The following GRK5 variants were observed in gnomAD, a reference collection of about 807,000 sequenced individuals.
GRK5 encodes g protein-coupled receptor kinase GRK5.
Under a neutral mutation model 78.4 loss-of-function variants are expected in GRK5, and 40 were observed. That is an observed-to-expected ratio of 0.51 (90% CI 0.40 to 0.66). The LOEUF (loss-of-function observed/expected upper bound fraction) is 0.66, where lower values mean the gene tolerates loss of function less well. GRK5 is among the 30% of genes least tolerant of loss of function. The pLI, the probability that GRK5 is intolerant of heterozygous loss-of-function variation, is 0.00. For synonymous variants in GRK5, 289 were observed against 296.8 expected (o/e 0.97, Z 0.27); for missense variants, 598 against 759.9 (o/e 0.79, Z 2.50).
At chr10:119,434,296 T>C (rs1269941107) in intron 8 of GRK5, among the ~76,000 whole-genome samples, 1 of 152,108 alleles carries the variant, frequency 6.6e-6, no homozygotes, top group Non-Finnish European at 1.5e-5. Context: ...TCCCCCAAAA[T>C]CTTAACTCAT....
rs1853411886 is a variant in GRK5, at chr10:119,457,128, C to CTT, written c.*2062_*2063dup. 1.3e-5 allele frequency: 2 copies of CTT among 152,116 alleles called. No individual in the cohort carries two copies. 9.4% of individuals were successfully genotyped at this position (152,116 alleles called of 1,614,324 possible). A position where few individuals can be genotyped will look rare whatever the true frequency, so the allele number is the denominator to read the frequency against. On this transcript the variant is annotated 3_prime_UTR_variant, in exon 16 of 16. Transcript: ENST00000392870. ...ACTCTTTGAATGGTATCTTAAGATCCTTAAGCTCTTGCTGAACTTCCTTTT... is the reference window on the plus strand; with the variant it reads ...ACTCTTTGAATGGTATCTTAAGATCCTTTTAAGCTCTTGCTGAACTTCCTTTT...
At chr10:119,436,591 G>C (rs905745058) in intron 8 of GRK5, 60 bp from the exon 9 acceptor site, 2 of 1,522,072 alleles carry the variant, frequency 1.3e-6, no homozygotes, top group African/African-American at 2.7e-5. Flanking sequence ...CCTGAGGAGG[G>C]AAGTGGAAGT....
chr10:119,337,448 C>T (rs1319521474), intron 2 of GRK5, among the ~76,000 whole-genome samples: 1 of 152,114 alleles, frequency 6.6e-6, no homozygotes, highest in African/African-American at 2.4e-5. Context: ...AGGTTTGGTT[C>T]GTTCTGAAGG....
At chr10:119,400,293 G>T (rs1339423011) in intron 4 of GRK5, among the ~76,000 whole-genome samples, 1 of 152,230 alleles carries the variant, frequency 6.6e-6, no homozygotes, top group Admixed American at 6.5e-5. Flanking sequence ...GCTTCCAGGA[G>T]GTGATGCTGC....
chr10:119,322,182 G>C (rs765774864), intron 1 of GRK5, among the ~76,000 whole-genome samples: 1 of 152,088 alleles, frequency 6.6e-6, no homozygotes, highest in Non-Finnish European at 1.5e-5. Flanking sequence ...TAAACTCCTG[G>C]GCTCAAGCAA....
intron 1 of GRK5, among the ~76,000 whole-genome samples, chr10:119,304,237 C>T (rs945869241): frequency 8.7e-5 from 13 of 150,214 alleles, no homozygotes; most frequent in Admixed American, 8.6e-4. Context: ...CACCTGGAAC[C>T]TTGAGGGGAA....
At chr10:119,295,409 A>C (rs896407160) in intron 1 of GRK5, among the ~76,000 whole-genome samples, 1 of 152,098 alleles carries the variant, frequency 6.6e-6, no homozygotes, top group African/African-American at 2.4e-5. Flanking sequence ...AACCATGTGG[A>C]GGTCCATTAA....
chr10:119,354,215 T>G (rs1851228778), intron 2 of GRK5, among the ~76,000 whole-genome samples: 1 of 151,872 alleles, frequency 6.6e-6, no homozygotes. Flanking sequence ...ATGCATCACC[T>G]CTCATAGTTA....
intron 4 of GRK5, among the ~76,000 whole-genome samples, chr10:119,400,632 C>G (rs1852134575): frequency 6.6e-6 from 1 of 152,058 alleles, no homozygotes; most frequent in African/African-American, 2.4e-5. Context: ...GGGGAGGGGG[C>G]CCCTCTGAGC....
intron 1 of GRK5, among the ~76,000 whole-genome samples, chr10:119,259,030 C>G (rs1429869486): frequency 6.6e-6 from 1 of 151,876 alleles, no homozygotes; most frequent in African/African-American, 2.4e-5. Context: ...GCGGTTCCTT[C>G]CATCCTCTTT....
At chr10:119,415,214 T>C (rs748966152) in intron 4 of GRK5, among the ~76,000 whole-genome samples, 1 of 151,956 alleles carries the variant, frequency 6.6e-6, no homozygotes, top group African/African-American at 2.4e-5. Flanking sequence ...GAGGATCATC[T>C]TAGATGTGGT....
At chr10:119,211,914 G>A (rs763652343) in intron 1 of GRK5, among the ~76,000 whole-genome samples, 1 of 152,242 alleles carries the variant, frequency 6.6e-6, no homozygotes, top group Non-Finnish European at 1.5e-5. Context: ...CTAATTCATG[G>A]TGATAAAACC....
At chr10:119,304,186 A>C (rs939893877) in intron 1 of GRK5, among the ~76,000 whole-genome samples, 1 of 151,970 alleles carries the variant, frequency 6.6e-6, no homozygotes, top group African/African-American at 2.4e-5. Flanking sequence ...CTGAAGGACC[A>C]GAGCAGTGGG....
At chr10:119,209,291 C>G (rs1040003713) in intron 1 of GRK5, among the ~76,000 whole-genome samples, 1 of 152,148 alleles carries the variant, frequency 6.6e-6, no homozygotes, top group Non-Finnish European at 1.5e-5. Flanking sequence ...ACTTGTCACT[C>G]TAAAGCAGCC....
intron 3 of GRK5, among the ~76,000 whole-genome samples, chr10:119,394,838 G>A (rs1380231536): frequency 6.6e-6 from 1 of 151,336 alleles, no homozygotes; most frequent in Non-Finnish European, 1.5e-5. Context: ...TGTGTCTGTG[G>A]GCACGTGTGT....
At chr10:119,375,054 A>G (rs1319455705) in intron 2 of GRK5, among the ~76,000 whole-genome samples, 1 of 152,110 alleles carries the variant, frequency 6.6e-6, no homozygotes, top group Non-Finnish European at 1.5e-5. Context: ...CTCACTTAAC[A>G]CTACTTGCTG....
Position 119,452,527 on chromosome 10 carries a change from A to C in GRK5, c.1405-144A>C, listed in dbSNP as rs1589818780. 1 of 956,042 alleles carries C rather than the reference A, an allele frequency of 1.0e-6. No homozygotes were observed. Among genetic ancestry groups the C allele is most frequent in the Non-Finnish European group, 1.5e-6 (1 of 653,054 alleles). The allele number at this position is 956,042 out of a possible 1,614,324, so 59.2% of individuals were successfully genotyped here. A position where few individuals can be genotyped will look rare whatever the true frequency, so the allele number is the denominator to read the frequency against. ...CTGGACTCACCTGCATCTGAGCCACACACCCTCCAGCCACTACCCATAGCA... is the reference window on the plus strand; with the variant it reads ...CTGGACTCACCTGCATCTGAGCCACCCACCCTCCAGCCACTACCCATAGCA... On this transcript the variant is annotated intron_variant, in intron 13 of 15. Transcript: ENST00000392870. This position sits in a 1 kb window ranked among gnomAD's most constrained non-coding sequence, Gnocchi z 4.4.
At chr10:119,395,856 G>A (rs568915076) in intron 3 of GRK5, among the ~76,000 whole-genome samples, 7 of 152,268 alleles carry the variant, frequency 4.6e-5, no homozygotes, top group Admixed American at 2.6e-4. Context: ...CCCGCTGCAT[G>A]ACCCTATGCA....
chr10:119,447,266 C>T (rs1404080560), intron 12 of GRK5, among the ~76,000 whole-genome samples: 1 of 152,198 alleles, frequency 6.6e-6, no homozygotes, highest in Non-Finnish European at 1.5e-5. Context: ...GATGAAGACA[C>T]TCTCCTACCT....
Sources: allele counts gnomAD v4.1 joint callset (sites outside exome capture counted in the v4.1 genomes callset), GRCh38; gene constraint gnomAD v4.1.1; non-coding constraint Gnocchi (gnomAD v3.1); transcripts MANE v1.5; gene names NCBI Gene and HGNC (gene_info 2026-07-23, HGNC 2026-07-21).